The following SCHIP1 variants were observed in gnomAD, a reference collection of about 807,000 sequenced individuals.
The protein encoded by SCHIP1 is schwannomin-interacting protein 1.
In SCHIP1, 8 loss-of-function variants were observed where a neutral mutation model predicts 29.7. The observed-to-expected ratio is 0.27, with a 90% CI of 0.16 to 0.49. The LOEUF is 0.49. Ranked by LOEUF, SCHIP1 falls within the 20% of genes least tolerant of loss-of-function variation. The pLI is 0.99. For missense variants in SCHIP1, 193 were observed against 294.6 expected (o/e 0.66, Z 2.52); for synonymous variants, 76 against 94.9 (o/e 0.80, Z 1.16).
chr3:159,420,401 C>G, the SCHIP1 span, among the ~76,000 whole-genome samples: 1 of 152,162 alleles, frequency 6.6e-6, no homozygotes, highest in Non-Finnish European at 1.5e-5. Context: ...TAGAAGCACC[C>G]TCTTTAGATT....
the SCHIP1 span, among the ~76,000 whole-genome samples, chr3:159,478,659 C>T: frequency 2.0e-5 from 3 of 152,120 alleles, no homozygotes; most frequent in Non-Finnish European, 4.4e-5. Flanking sequence ...TTTTAGATCA[C>T]TTTGGGTACT....
At chr3:159,289,134 A>G in the SCHIP1 span, among the ~76,000 whole-genome samples, 1 of 152,230 alleles carries the variant, frequency 6.6e-6, no homozygotes, top group Admixed American at 6.5e-5. Context: ...GGCCTAAGCC[A>G]CCGTCATCTC....
the SCHIP1 span, among the ~76,000 whole-genome samples, chr3:159,668,234 G>A: frequency 2.0e-5 from 3 of 151,962 alleles, no homozygotes; most frequent in Non-Finnish European, 4.4e-5. Context: ...AAAATTAGCC[G>A]GGCGTGGTGG....
At chr3:159,895,896 A>T (rs1037718516) in intron 6 of SCHIP1, among the ~76,000 whole-genome samples, 1 of 152,156 alleles carries the variant, frequency 6.6e-6, no homozygotes, top group Non-Finnish European at 1.5e-5. Context: ...GGGTTTTGCC[A>T]TGTTGGCCAG....
the SCHIP1 span, among the ~76,000 whole-genome samples, chr3:159,476,141 T>G: frequency 6.6e-6 from 1 of 152,188 alleles, no homozygotes. Flanking sequence ...TGTTTCTTAG[T>G]GGGCAGCTCC....
At chr3:159,273,983 G>T in the SCHIP1 span, 1 of 1,529,904 alleles carries the variant, frequency 6.5e-7, no homozygotes, top group Non-Finnish European at 8.8e-7. Flanking sequence ...TTAAATTTAA[G>T]CTGATGGCCT....
the SCHIP1 span, among the ~76,000 whole-genome samples, chr3:159,576,903 A>G: frequency 6.6e-6 from 1 of 152,150 alleles, no homozygotes; most frequent in Non-Finnish European, 1.5e-5. Context: ...TTTCCCTTAT[A>G]TTCCGGTGAT....
chr3:159,427,048 G>A, the SCHIP1 span, among the ~76,000 whole-genome samples: 47 of 152,230 alleles, frequency 3.1e-4, no homozygotes, highest in South Asian at 8.3e-4. Context: ...AATAATAAGA[G>A]CTATCTATGA....
the SCHIP1 span, among the ~76,000 whole-genome samples, chr3:159,278,493 T>C: frequency 6.6e-6 from 1 of 152,340 alleles, no homozygotes; most frequent in South Asian, 2.1e-4. Context: ...TTAGAATTCA[T>C]TGATCACTAA....
the SCHIP1 span, among the ~76,000 whole-genome samples, chr3:159,407,272 G>A: frequency 1.3e-5 from 2 of 152,016 alleles, no homozygotes; most frequent in African/African-American, 2.4e-5. Flanking sequence ...TTGAGACAAA[G>A]CCTATAAAAA....
chr3:159,490,013 G>A, the SCHIP1 span, among the ~76,000 whole-genome samples: 1 of 152,086 alleles, frequency 6.6e-6, no homozygotes, highest in African/African-American at 2.4e-5. Context: ...TCAGCATTTT[G>A]CTTATATAAT....
the SCHIP1 span, among the ~76,000 whole-genome samples, chr3:159,632,802 T>C: frequency 6.6e-6 from 1 of 152,136 alleles, no homozygotes. Flanking sequence ...ATGTTGATGA[T>C]ACTCAGGATA....
the SCHIP1 span, among the ~76,000 whole-genome samples, chr3:159,497,047 T>C: frequency 4.3e-4 from 65 of 152,190 alleles, 1 homozygote; most frequent in Middle Eastern, 3.4e-3. Context: ...TAGGTGGGAA[T>C]TGAACAATGA....
chr3:159,602,331 T>A, the SCHIP1 span, among the ~76,000 whole-genome samples: 1 of 152,160 alleles, frequency 6.6e-6, no homozygotes, highest in Non-Finnish European at 1.5e-5. Flanking sequence ...TAATTTTGGC[T>A]CTTCTTTCTG....
At chr3:159,554,320 A>G in the SCHIP1 span, among the ~76,000 whole-genome samples, 3 of 152,150 alleles carry the variant, frequency 2.0e-5, no homozygotes, top group Non-Finnish European at 2.9e-5. Context: ...ATATGTATGC[A>G]TGGAAGAGTT....
At chr3:159,351,252 A>G in the SCHIP1 span, among the ~76,000 whole-genome samples, 1 of 152,154 alleles carries the variant, frequency 6.6e-6, no homozygotes, top group Non-Finnish European at 1.5e-5. Flanking sequence ...GCAGTGTCCC[A>G]GTATATCAGC....
At chr3:159,790,443 C>A in the SCHIP1 span, among the ~76,000 whole-genome samples, 1 of 152,178 alleles carries the variant, frequency 6.6e-6, no homozygotes, top group Non-Finnish European at 1.5e-5. Context: ...GTAATCCCAG[C>A]GCTTTGAAAG....
At chr3:159,473,761 TG>T in the SCHIP1 span, among the ~76,000 whole-genome samples, 1 of 150,738 alleles carries the variant, frequency 6.6e-6, no homozygotes, top group South Asian at 2.1e-4. Context: ...AAATATTGGA[TG>T]GACAAAGCAT....
At chr3:159,273,498 T>A in the SCHIP1 span, 2 of 1,104,428 alleles carry the variant, frequency 1.8e-6, no homozygotes, top group Non-Finnish European at 2.2e-6. Context: ...TGGAATCCTC[T>A]GTTCTCCGAG....
Sources: gnomAD v4.1 joint callset for allele counts (sites outside exome capture counted in the v4.1 genomes callset) on GRCh38, gnomAD v4.1.1 for gene constraint, MANE v1.5 for transcripts, NCBI Gene and HGNC (gene_info 2026-07-23, HGNC 2026-07-21) for gene names.